NTN1: variants seen among roughly 807,000 people sequenced by gnomAD.
The protein encoded by NTN1 is netrin 1, also known as netrin-1.
NTN1 carries 11 observed loss-of-function variants against 54.2 expected under a neutral mutation model. That is an observed-to-expected ratio of 0.20 (90% CI 0.13 to 0.34). The LOEUF is 0.34. Ranked by LOEUF, NTN1 falls within the 10% of genes least tolerant of loss-of-function variation. NTN1 has a pLI of 1.00. For synonymous variants in NTN1, 371 were observed against 382.0 expected, an observed-to-expected ratio of 0.97 and a Z score of 0.33; for missense variants, 740 against 893.1, an observed-to-expected ratio of 0.83 and a Z score of 2.18.
chr17:9,233,566 C>T (rs147869315), intron 6 of NTN1, among the ~76,000 whole-genome samples: 80 of 152,042 alleles, frequency 5.3e-4, no homozygotes, highest in Admixed American at 4.6e-3. Flanking sequence ...CTCCTGGGCC[C>T]GGACTGGAAC....
chr17:9,115,752 G>A (rs1355042400), intron 2 of NTN1, among the ~76,000 whole-genome samples: 2 of 152,218 alleles, frequency 1.3e-5, no homozygotes, highest in African/African-American at 2.4e-5. Context: ...GATGGGCCGT[G>A]GCGGAGTCTC....
At chr17:9,045,458 A>G (rs1010793320) in intron 2 of NTN1, among the ~76,000 whole-genome samples, 2 of 152,140 alleles carry the variant, frequency 1.3e-5, no homozygotes, top group African/African-American at 4.8e-5. Context: ...GCAGCTTCCT[A>G]CAGAAACGGG....
intron 5 of NTN1, among the ~76,000 whole-genome samples, chr17:9,210,735 C>T (rs1905085924): frequency 1.3e-5 from 2 of 151,722 alleles, no homozygotes; most frequent in South Asian, 2.1e-4. Flanking sequence ...GGTGAAAGCC[C>T]ATCTCTACAA....
intron 2 of NTN1, 40 bp from the exon 3 acceptor site, chr17:9,162,773 C>A (rs202006223): frequency 1.9e-6 from 3 of 1,569,920 alleles, no homozygotes; most frequent in East Asian, 4.5e-5. Flanking sequence ...GTCCTCCCCG[C>A]GCCCCTGCGG....
At chr17:9,088,754 C>T (rs997660142) in intron 2 of NTN1, among the ~76,000 whole-genome samples, 4 of 152,112 alleles carry the variant, frequency 2.6e-5, no homozygotes, top group South Asian at 2.1e-4. Context: ...TAACCATTTC[C>T]GAGCTGGCTG....
At chr17:9,233,066 C>A (rs1905869127) in intron 6 of NTN1, among the ~76,000 whole-genome samples, 1 of 151,834 alleles carries the variant, frequency 6.6e-6, no homozygotes, top group Non-Finnish European at 1.5e-5. Context: ...GAAGGTATGG[C>A]TGTGTAGGGG....
the NTN1 span, among the ~76,000 whole-genome samples, chr17:9,005,705 A>AG: frequency 1.8e-4 from 28 of 152,254 alleles, no homozygotes; most frequent in East Asian, 3.3e-3. Flanking sequence ...CCCAGACTGG[A>AG]GGCCATAGTG....
At chr17:9,121,749 G>A (rs1027820409) in intron 2 of NTN1, among the ~76,000 whole-genome samples, 4 of 152,132 alleles carry the variant, frequency 2.6e-5, no homozygotes, top group Admixed American at 1.3e-4. Flanking sequence ...GTCCCTGAGT[G>A]GAGTTGAACT....
intron 6 of NTN1, among the ~76,000 whole-genome samples, chr17:9,223,872 G>T (rs1010649786): frequency 6.6e-6 from 1 of 152,192 alleles, no homozygotes; most frequent in Non-Finnish European, 1.5e-5. Context: ...CAAGGCCTAG[G>T]GGTAACCTCG....
At chr17:9,160,597 G>A (rs116863928) in intron 2 of NTN1, among the ~76,000 whole-genome samples, 1 of 152,312 alleles carries the variant, frequency 6.6e-6, no homozygotes, top group East Asian at 1.9e-4. Flanking sequence ...ACTGTGGTTG[G>A]TAGAAATAGG....
intron 3 of NTN1, among the ~76,000 whole-genome samples, chr17:9,169,103 A>C (rs149619448): frequency 6.6e-6 from 1 of 152,076 alleles, no homozygotes; most frequent in Admixed American, 6.6e-5. Context: ...CACAAACCTT[A>C]CCTACGTATT....
At chr17:9,080,414 C>T (rs2092066866) in intron 2 of NTN1, among the ~76,000 whole-genome samples, 1 of 152,228 alleles carries the variant, frequency 6.6e-6, no homozygotes, top group Non-Finnish European at 1.5e-5. Context: ...TTCCAGTTAT[C>T]CATCTCTGTT....
the NTN1 span, among the ~76,000 whole-genome samples, chr17:9,007,280 A>T: frequency 0.55 from 71,739 of 129,448 alleles, 19,172 homozygotes; most frequent in African/African-American, 0.75. Flanking sequence ...CTTTTCTTTC[A>T]TCCCTTCCTT....
In NTN1 at chr17:9,239,793, C is replaced by T; in HGVS notation, c.1640C>T (p.Pro547Leu). Residue 547 changes from proline to leucine, a missense_variant, in exon 7 of 7, where the codon CCC (proline) becomes CTC (leucine). Pro to Leu is a moderately conservative substitution (Grantham distance 98). Transcript: ENST00000173229. This position sits in a 1 kb window ranked among gnomAD's most constrained non-coding sequence, Gnocchi z 5.2. The part of the protein sequence containing the change: ...IRSRDIACKC[P>L]KIKPLKKYLL... ...TCGCGGGACATCGCCTGCAAGTGTC[C>T]CAAAATCAAGCCCCTCAAGAAGTAC... is the stretch of plus-strand genomic sequence containing the variant. 1.2e-6 allele frequency: 2 copies of T among 1,613,762 alleles called. No homozygotes were observed. Among genetic ancestry groups the T allele is most frequent in the African/African-American group, 1.3e-5 (1 of 75,048 alleles).
chr17:9,121,553 C>T (rs148447010), intron 2 of NTN1, among the ~76,000 whole-genome samples: 3 of 152,258 alleles, frequency 2.0e-5, no homozygotes, highest in East Asian at 1.9e-4. Context: ...TGATCACTGG[C>T]GCTCACTCAC....
rs1482049422 is a variant in NTN1, at chr17:9,166,362, G to A, written c.1207+3361G>A. ...TGGCTTTTTTTTTTTTTTTTTTTGAGATGGAGTCTCACTCTGTTGTCCAGG... is the reference window on the plus strand; with the variant it reads ...TGGCTTTTTTTTTTTTTTTTTTTGAAATGGAGTCTCACTCTGTTGTCCAGG... On this transcript the variant is annotated intron_variant, in intron 3 of 6. Transcript: ENST00000173229. 1.1e-4 allele frequency among the ~76,000 whole-genome samples: 11 copies of A among 99,002 alleles called. No individual in the cohort carries two copies. The South Asian group carries it at 3.5e-3, about 31-fold the overall frequency. The allele number at this position is 99,002 out of a possible 152,430, so 64.9% of individuals were successfully genotyped here. A position where few individuals can be genotyped will look rare whatever the true frequency, so the allele number is the denominator to read the frequency against.
intron 2 of NTN1, among the ~76,000 whole-genome samples, chr17:9,024,874 C>T (rs1426591616): frequency 1.3e-5 from 2 of 152,230 alleles, no homozygotes; most frequent in Non-Finnish European, 2.9e-5. Flanking sequence ...AGTGTAGTTA[C>T]ACTCCGACTT....
intron 2 of NTN1, among the ~76,000 whole-genome samples, chr17:9,089,680 T>G (rs2092102923): frequency 6.6e-6 from 1 of 152,160 alleles, no homozygotes; most frequent in Non-Finnish European, 1.5e-5. Context: ...TTGAACGTGA[T>G]GGGTGCTTTC....
intron 5 of NTN1, among the ~76,000 whole-genome samples, chr17:9,200,181 T>C (rs1413409204): frequency 1.3e-5 from 2 of 152,262 alleles, no homozygotes; most frequent in South Asian, 2.1e-4. Context: ...ACAGCAGTTC[T>C]AGTCTGTGTC....
Sources: gnomAD v4.1 joint callset for allele counts (sites outside exome capture counted in the v4.1 genomes callset) on GRCh38, gnomAD v4.1.1 for gene constraint, Gnocchi (gnomAD v3.1) non-coding constraint, MANE v1.5 for transcripts, NCBI Gene and HGNC (gene_info 2026-07-23, HGNC 2026-07-21) for gene names.